NLRC5: variants seen among roughly 807,000 people sequenced by gnomAD.
The protein encoded by NLRC5 is protein NLRC5.
NLRC5 carries 114 observed loss-of-function variants against 206.9 expected under a neutral mutation model. That is an observed-to-expected ratio of 0.55 (90% confidence interval 0.47 to 0.64). The LOEUF is 0.64. Among genes scored for constraint, NLRC5 ranks in the 30% least tolerant of loss-of-function variants. The pLI, the probability that NLRC5 is intolerant of heterozygous loss-of-function variation, is 0.00. For synonymous variants in NLRC5, 952 were observed against 962.8 expected, an observed-to-expected ratio of 0.99 and a Z score of 0.21; for missense variants, 2,008 against 2,305.5, an observed-to-expected ratio of 0.87 and a Z score of 2.64.
chr16:57,081,409 A>C, intron 47 of NLRC5, 118 bp from the exon 48 acceptor site: 1 of 1,019,876 alleles, frequency 9.8e-7, no homozygotes, highest in Non-Finnish European at 1.5e-6. Flanking sequence ...TTCCCTGAGA[A>C]GGTAGTGTGG....
In NLRC5 at chr16:57,023,860, A is replaced by G; in HGVS notation, c.424+7A>G. On this transcript the variant is annotated splice_region_variant and intron_variant, in intron 5 of 48. Coordinates refer to ENST00000688547, the MANE Select transcript of NLRC5 (RefSeq NM_001384950.1). ...TGCAAGAAGCAGCAGCTAGGTGGGT[A>G]CCAGTGTGGGGAGGAACATAAACAG... 2 of 1,606,622 alleles carry G rather than the reference A, an allele frequency of 1.2e-6. No individual in the cohort carries two copies. The highest frequency in any genetic ancestry group is 1.3e-5 in the African/African-American group (1 of 75,000).
At position 57,055,462 on chromosome 16, in the gene NLRC5, A is replaced by T. The variant is rs1171042888; in HGVS notation, c.3689A>T (p.Glu1230Val). The change falls in exon 27 of 49, where the codon GAG (glutamate) becomes GTG (valine). Residue 1230 changes from glutamate (E) to valine (V), a missense_variant. Physicochemically the swap from Glu to Val is moderately radical, Grantham distance 121. Coordinates refer to ENST00000688547, the MANE Select transcript of NLRC5 (RefSeq NM_001384950.1). ...TTCACAGGCTGCAGCCTCAGCCAGG[A>T]GCACGTAGAGTCACTCTGCTGGTTG... ...GRFTGCSLSQ[E>V]HVESLCWLLS... 6.2e-7 allele frequency: 1 copy of T among 1,613,850 alleles called. No homozygotes were observed. Among genetic ancestry groups the T allele is most frequent in the African/African-American group, 1.3e-5 (1 of 74,900 alleles).
At chr16:57,002,967 T>G (rs972076884) in intron 1 of NLRC5, among the ~76,000 whole-genome samples, 12 of 151,910 alleles carry the variant, frequency 7.9e-5, no homozygotes, top group African/African-American at 2.4e-5. Context: ...TTGAGGTACC[T>G]CCGAACTGTC....
chr16:57,030,354 GGCTGAAAA>G (rs1467295041), intron 10 of NLRC5, among the ~76,000 whole-genome samples: 13 of 122,952 alleles, frequency 1.1e-4, no homozygotes, highest in South Asian at 3.0e-4. Flanking sequence ...ATGAATGGAT[GGCTGAAAA>G]GATGGATGGG....
intron 1 of NLRC5, among the ~76,000 whole-genome samples, chr16:56,997,818 C>A (rs7187275): frequency 0.079 from 11,964 of 152,108 alleles, 544 homozygotes; most frequent in African/African-American, 0.11. Flanking sequence ...TGGGCTCAAG[C>A]GATCCTCCTG....
Position 57,046,615 on chromosome 16 carries a change from T to C in NLRC5, c.3312T>C (p.Arg1104=). ...CTGCAGCCAAGTTCTTAGGGTTCCG[T>C]CAGCGCTGCATCCCCAGGAGCCTCT... is the stretch of plus-strand genomic sequence containing the variant. ...FPAAAKFLGF[R]QRCIPRSLCL... is the part of the protein sequence containing the mutation. Residue 1104 remains arginine, a synonymous_variant, in exon 22 of 49, where the codon CGT becomes CGC. Coordinates refer to ENST00000688547, the MANE Select transcript of NLRC5 (RefSeq NM_001384950.1). 6.2e-7 allele frequency: 1 copy of C among 1,614,078 alleles called. No homozygotes were observed.
intron 1 of NLRC5, among the ~76,000 whole-genome samples, chr16:57,014,445 G>T (rs1390074720): frequency 6.6e-6 from 1 of 152,172 alleles, no homozygotes; most frequent in Non-Finnish European, 1.5e-5. Flanking sequence ...CCTTTTGATA[G>T]AATTGCCTTT....
chr16:56,991,438 G>C (rs1450903072), intron 1 of NLRC5, among the ~76,000 whole-genome samples: 2 of 145,150 alleles, frequency 1.4e-5, no homozygotes, highest in African/African-American at 5.2e-5. Flanking sequence ...CTGGAGTGTA[G>C]TGGCACGATC....
At position 57,042,004 on chromosome 16, in the gene NLRC5, G is replaced by A; in HGVS notation, c.3052G>A (p.Asp1018Asn). 6.3e-7 allele frequency: 1 copy of A among 1,580,234 alleles called. No individual in the cohort carries two copies. The highest frequency in any genetic ancestry group is 8.6e-7 in the Non-Finnish European group (1 of 1,166,724). Residue 1018 changes from aspartate to asparagine, a missense_variant, in exon 19 of 49, where the codon GAT (aspartate) becomes AAT (asparagine). Coordinates refer to ENST00000688547, the MANE Select transcript of NLRC5 (RefSeq NM_001384950.1). ...HLDFSGNALG[D>N]EGAARLAQLL... Reference sequence around the variant, plus strand: ...CAGCTTCTCAGGCAATGCTCTGGGGGATGAAGGTGCAGCCCGGCTGGCTCA... The same window carrying A: ...CAGCTTCTCAGGCAATGCTCTGGGGAATGAAGGTGCAGCCCGGCTGGCTCA...
chr16:56,994,084 C>G (rs1178530039), intron 1 of NLRC5, among the ~76,000 whole-genome samples: 1 of 151,650 alleles, frequency 6.6e-6, no homozygotes. Context: ...GTGGCTGGAA[C>G]CTGTGTGCAA....
intron 32 of NLRC5, among the ~76,000 whole-genome samples, chr16:57,063,745 C>CA (rs1555536263): frequency 1.4e-5 from 2 of 147,378 alleles, no homozygotes; most frequent in Admixed American, 6.8e-5. Context: ...CCCAAAATAA[C>CA]TTTTTTTTTT....
chr16:57,062,062 G>A, intron 32 of NLRC5: 1 of 1,316,734 alleles, frequency 7.6e-7, no homozygotes, highest in East Asian at 4.6e-5. Flanking sequence ...TACCGAAGTA[G>A]AAAGAATAAT....
At chr16:57,057,911 G>GTGA (rs1388530913) in intron 27 of NLRC5, among the ~76,000 whole-genome samples, 154 bp from the exon 28 acceptor site, 3 of 151,892 alleles carry the variant, frequency 2.0e-5, no homozygotes, top group African/African-American at 7.3e-5. Context: ...GGTGATGGTG[G>GTGA]TGATACTGGT....
At position 57,025,795 on chromosome 16, in the gene NLRC5, T is replaced by A; in HGVS notation, c.852T>A (p.Pro284=). 1 of 1,614,218 alleles carries A rather than the reference T, an allele frequency of 6.2e-7. No homozygotes were observed. The highest frequency in any genetic ancestry group is 8.5e-7 in the Non-Finnish European group (1 of 1,180,030). ...TCCTTTTTGATCTGTACCTGAGCCCTGAATCGGACCACGACACTGTCTTCC... is the reference window on the plus strand; with the variant it reads ...TCCTTTTTGATCTGTACCTGAGCCCAGAATCGGACCACGACACTGTCTTCC... ...SELLFDLYLS[P]ESDHDTVFQY... The change falls in exon 6 of 49, where the codon CCT becomes CCA. Residue 284 remains proline, a synonymous_variant. Coordinates refer to ENST00000688547, the MANE Select transcript of NLRC5 (RefSeq NM_001384950.1).
Position 57,067,724 on chromosome 16 carries a change from G to A in NLRC5, c.4407-12G>A. ...GCCTGAAATCCTCTAGAATATCCTT[G>A]GACCTTTTCAGCTTGTCTCAGGTTA... is the stretch of plus-strand genomic sequence containing the variant. On this transcript the variant is annotated splice_polypyrimidine_tract_variant and intron_variant, in intron 35 of 48. Coordinates refer to ENST00000688547, the MANE Select transcript of NLRC5 (RefSeq NM_001384950.1). The A allele has an allele frequency of 6.2e-7, 1 of 1,612,042 alleles. No individual in the cohort carries two copies. The highest frequency in any genetic ancestry group is 8.5e-7 in the Non-Finnish European group (1 of 1,178,098).
Position 57,034,210 on chromosome 16 carries a change from C to T in NLRC5, c.2586C>T (p.Leu862=). The T allele has an allele frequency of 3.1e-6, 5 of 1,613,900 alleles. No homozygotes were observed. Among genetic ancestry groups the T allele is most frequent in the Non-Finnish European group, 4.2e-6 (5 of 1,179,870 alleles). Reference sequence around the variant, plus strand: ...TCCAGGTCCACGATGCGGAGGCCCTCATAGCCCTGCTCCAGGAAGGCCCTC... The same window carrying T: ...TCCAGGTCCACGATGCGGAGGCCCTTATAGCCCTGCTCCAGGAAGGCCCTC... ...CQLQVHDAEA[L]IALLQEGPHL... The change falls in exon 13 of 49, where the codon CTC becomes CTT. Residue 862 remains leucine (L), a synonymous_variant. Transcript: ENST00000688547.
intron 4 of NLRC5, 74 bp downstream of exon 4, chr16:57,022,389 C>T (rs1379136691): frequency 5.5e-6 from 3 of 548,754 alleles, no homozygotes; most frequent in Non-Finnish European, 8.5e-6. Flanking sequence ...CTGGAGGAGG[C>T]TGTGGAGGCT....
At chr16:57,011,277 G>A (rs1489240185) in intron 1 of NLRC5, among the ~76,000 whole-genome samples, 3 of 152,118 alleles carry the variant, frequency 2.0e-5, no homozygotes, top group Non-Finnish European at 2.9e-5. Context: ...GCTGGGCATG[G>A]TGGTGGGTGC....
chr16:57,034,443 T>C (rs1597277019), intron 13 of NLRC5, 192 bp downstream of exon 13: 2 of 581,150 alleles, frequency 3.4e-6, no homozygotes, highest in Non-Finnish European at 6.1e-6. Context: ...CTAGGGACTG[T>C]ACATGCCTCC....
Sources: allele counts gnomAD v4.1 joint callset (sites outside exome capture counted in the v4.1 genomes callset), GRCh38; gene constraint gnomAD v4.1.1; transcripts MANE v1.5; gene names NCBI Gene and HGNC (gene_info 2026-07-23, HGNC 2026-07-21).